Variants in POLR1E observed in about 807,000 individuals in gnomAD.
POLR1E encodes RNA polymerase I subunit E, also known as DNA-directed RNA polymerase I subunit RPA49.
In POLR1E, 37 loss-of-function variants were observed where a neutral mutation model predicts 50.9. The observed-to-expected ratio is 0.73, with a 90% CI of 0.56 to 0.96. The LOEUF is 0.96. POLR1E is among the 40% of genes least tolerant of loss of function. POLR1E has a pLI of 0.00. For missense variants in POLR1E, 426 were observed against 518.1 expected (o/e 0.82, Z 1.73); for synonymous variants, 166 against 191.6 (o/e 0.87, Z 1.10).
chr9:37,494,212 CT>C, intron 6 of POLR1E, among the ~76,000 whole-genome samples: 1 of 152,054 alleles, frequency 6.6e-6, no homozygotes, highest in African/African-American at 2.4e-5. Context: ...AGTAGCTTTT[CT>C]TTTTACCGAT....
chr9:37,503,165 C>G lies in POLR1E; in HGVS notation c.1223C>G (p.Thr408Ser), dbSNP rs764739112. The G allele has an allele frequency of 5.1e-5, 83 of 1,612,034 alleles. No individual in the cohort carries two copies. The highest frequency in any genetic ancestry group is 7.0e-5 in the Non-Finnish European group (82 of 1,179,584). ...TLSLPLPPAQTSDRLAKRRKI... is the reference protein window; with the variant it reads ...TLSLPLPPAQSSDRLAKRRKI... ...TCCCTCCCGCTGCCTCCAGCCCAGA[C>G]CTCAGACCGCCTGGCAAAGCGGAGG... is the stretch of plus-strand genomic sequence containing the variant. Residue 408 changes from threonine to serine, a missense_variant, in exon 12 of 12, where the codon ACC becomes AGC. Coordinates refer to ENST00000377798, the MANE Select transcript of POLR1E (RefSeq NM_022490.4).
At chr9:37,501,898 T>TCGA in intron 11 of POLR1E, 54 bp downstream of exon 11, 1 of 1,557,032 alleles carries the variant, frequency 6.4e-7, no homozygotes, top group East Asian at 2.3e-5. Flanking sequence ...GTCTTATTTC[T>TCGA]GGTACCACTG....
chr9:37,490,326 C>A, intron 4 of POLR1E: 1 of 472,886 alleles, frequency 2.1e-6, no homozygotes, highest in Non-Finnish European at 3.8e-6. Flanking sequence ...TAAAATTTGC[C>A]TTAAATATTT....
rs568848542 is a variant in POLR1E at position 37,489,853 on chromosome 9, C to T, written c.343+453C>T. On this transcript the variant is annotated intron_variant, in intron 4 of 11. Transcript: ENST00000377798. ...CCTCCCAAAGTGCTAGGATTACAGG[C>T]GCTAGCCACTGCGCCCGGCCTAGAG... 6.6e-5 allele frequency among the ~76,000 whole-genome samples: 10 copies of T among 152,320 alleles called. No individual in the cohort carries two copies. The South Asian group carries it at 1.5e-3, about 22-fold the overall frequency.
At chr9:37,489,005 G>C (rs567737602) in intron 3 of POLR1E, among the ~76,000 whole-genome samples, 3 of 152,144 alleles carry the variant, frequency 2.0e-5, no homozygotes, top group Non-Finnish European at 4.4e-5. Context: ...TTGGGAGGCT[G>C]ATAGGGTCAG....
At chr9:37,501,106 CCTT>C (rs1820880303) in intron 10 of POLR1E, among the ~76,000 whole-genome samples, 185 bp downstream of exon 10, 1 of 152,170 alleles carries the variant, frequency 6.6e-6, no homozygotes, top group African/African-American at 2.4e-5. Flanking sequence ...CATACTCTGC[CCTT>C]CTTAGAAAAG....
chr9:37,487,965 G>A (rs1309446983), intron 3 of POLR1E, 26 bp downstream of exon 3: 1 of 1,610,670 alleles, frequency 6.2e-7, no homozygotes. Flanking sequence ...GGGACAGTGG[G>A]AAGGGTGATG....
intron 6 of POLR1E, among the ~76,000 whole-genome samples, chr9:37,494,693 C>A (rs1335096465): frequency 6.6e-6 from 1 of 152,172 alleles, no homozygotes; most frequent in Non-Finnish European, 1.5e-5. Context: ...CCCGCCTTGG[C>A]CTTCCAAAAT....
rs1588802864 is a variant in POLR1E, at chr9:37,495,184, C to T, written c.563C>T (p.Ala188Val). Residue 188 changes from alanine (A) to valine (V), a missense_variant, in exon 7 of 12, where the codon GCT (alanine) becomes GTT (valine). Physicochemically the swap from Ala to Val is moderately conservative, Grantham distance 64 (BLOSUM62 0). Transcript: ENST00000377798. ...TATTGAAAAGCTCTGGTCAGCGATG[C>T]TATCCACAATGACTTGCAAGATGAC... Reference protein sequence around the residue: ...TKGVTALVSDAIHNDLQDDSL... With the variant: ...TKGVTALVSDVIHNDLQDDSL... The T allele has an allele frequency of 6.2e-7, 1 of 1,613,956 alleles. No individual in the cohort carries two copies. Among genetic ancestry groups the T allele is most frequent in the Non-Finnish European group, 8.5e-7 (1 of 1,179,824 alleles).
At chr9:37,493,279 A>G (rs1327571178) in intron 5 of POLR1E, among the ~76,000 whole-genome samples, 2 of 152,214 alleles carry the variant, frequency 1.3e-5, no homozygotes, top group Non-Finnish European at 2.9e-5. Context: ...TGTTACGGGC[A>G]TAGGATGGGA....
chr9:37,486,540 C>T (rs1307663729), intron 1 of POLR1E, 163 bp from the exon 2 acceptor site: 1 of 1,574,908 alleles, frequency 6.3e-7, no homozygotes, highest in Non-Finnish European at 8.6e-7. Flanking sequence ...CTCTTCTCAG[C>T]TGGCCCCGGA....
At chr9:37,497,491 A>G (rs539595809) in intron 8 of POLR1E, among the ~76,000 whole-genome samples, 1 of 152,386 alleles carries the variant, frequency 6.6e-6, no homozygotes, top group South Asian at 2.1e-4. Flanking sequence ...TTAGCAAACT[A>G]CAGCCCACAT....
intron 4 of POLR1E, 97 bp from the exon 5 acceptor site, chr9:37,492,560 A>C: frequency 8.4e-7 from 1 of 1,190,906 alleles, no homozygotes; most frequent in South Asian, 1.3e-5. Context: ...AAAGAAATCT[A>C]TTATTCTTAG....
In POLR1E at chr9:37,501,804, C is replaced by G. The variant is rs1820895127; in HGVS notation, c.1060C>G (p.Leu354Val). 6.2e-7 allele frequency: 1 copy of G among 1,613,962 alleles called. No individual in the cohort carries two copies. Among genetic ancestry groups the G allele is most frequent in the East Asian group, 2.2e-5 (1 of 44,886 alleles). ...ALHIHDFQID[L>V]TVLQRDLKLS... ...GCACATACATGACTTCCAAATTGAC[C>G]TGACAGTGTTACAGAGGGACTTGAA... The change falls in exon 11 of 12, where the codon CTG (leucine) becomes GTG (valine). Residue 354 changes from leucine (L) to valine (V), a missense_variant. Physicochemically the swap from Leu to Val is conservative, Grantham distance 32. Coordinates refer to ENST00000377798, the MANE Select transcript of POLR1E (RefSeq NM_022490.4).
intron 4 of POLR1E, chr9:37,491,040 G>T: frequency 8.3e-6 from 2 of 240,736 alleles, no homozygotes; most frequent in South Asian, 5.8e-5. Context: ...TCACGTTGAG[G>T]ACAAGTCTCT....
Position 37,501,860 on chromosome 9 carries a change from T to A in POLR1E, c.1100+16T>A, listed in dbSNP as rs1820897396. ...GTGAGAAAAGGTGAGCACAACAGAA[T>A]AAAGAGCTCCCTGCAGGGTGTCTCG... On this transcript the variant is annotated intron_variant, in intron 11 of 11. Transcript: ENST00000377798. The A allele has an allele frequency of 1.2e-6, 2 of 1,608,444 alleles. No homozygotes were observed. Among genetic ancestry groups the A allele is most frequent in the Non-Finnish European group, 1.7e-6 (2 of 1,178,492 alleles).
At chr9:37,495,835 C>T (rs920160605) in intron 7 of POLR1E, 55 bp from the exon 8 acceptor site, 29 of 1,275,800 alleles carry the variant, frequency 2.3e-5, no homozygotes, top group Non-Finnish European at 3.2e-5. Flanking sequence ...ATGAGATGAC[C>T]TAGCTAGTTG....
intron 4 of POLR1E, chr9:37,492,328 C>G (rs1323699915): frequency 7.6e-7 from 1 of 1,309,736 alleles, no homozygotes; most frequent in Admixed American, 2.3e-5. Flanking sequence ...GAGCCAAGGA[C>G]TTGTTTTCTA....
rs1820705650 is a variant in POLR1E at position 37,492,665 on chromosome 9, G to C, written c.352G>C (p.Val118Leu). 1.2e-6 allele frequency: 2 copies of C among 1,614,014 alleles called. No individual in the cohort carries two copies. Among genetic ancestry groups the C allele is most frequent in the Non-Finnish European group, 1.7e-6 (2 of 1,179,900 alleles). Reference protein sequence around the residue: ...NMQPLFSDVSVESELALESQT... With the variant: ...NMQPLFSDVSLESELALESQT... ...TTTGTGTGTTTTGATAGATGTATCA[G>C]TTGAGAGTGAACTGGCGCTAGAGAG... The change falls in exon 5 of 12, where the codon GTT becomes CTT. Residue 118 changes from valine (V) to leucine (L), a missense_variant. Val to Leu is a conservative substitution (Grantham distance 32, BLOSUM62 1). Coordinates refer to ENST00000377798, the MANE Select transcript of POLR1E (RefSeq NM_022490.4).
Sources: gnomAD v4.1 joint callset for allele counts (sites outside exome capture counted in the v4.1 genomes callset) on GRCh38, gnomAD v4.1.1 for gene constraint, MANE v1.5 for transcripts, NCBI Gene and HGNC (gene_info 2026-07-23, HGNC 2026-07-21) for gene names.